CDK12: variants seen among roughly 807,000 people sequenced by gnomAD.
CDK12 encodes cyclin-dependent kinase 12.
In CDK12, 17 loss-of-function variants were observed where a neutral mutation model predicts 133.8. The observed-to-expected ratio is 0.13, with a 90% CI of 0.09 to 0.19. The LOEUF is 0.19. CDK12 is among the 10% of genes least tolerant of loss of function. The pLI is 1.00. For missense variants in CDK12, 1,508 were observed against 1,818.7 expected (o/e 0.83, Z 3.11); for synonymous variants, 694 against 683.6 (o/e 1.02, Z -0.24).
chr17:39,551,089 AT>A (rs1254702372), exon 2 of CDK12: 3 of 151,974 alleles, frequency 2.0e-5, no homozygotes, highest in African/African-American at 7.3e-5. Context: ...CTGTCCTGGT[AT>A]TGCTTTGTGT....
At chr17:39,468,485 A>T (rs986899195) in intron 1 of CDK12, among the ~76,000 whole-genome samples, 1 of 151,510 alleles carries the variant, frequency 6.6e-6, no homozygotes, top group African/African-American at 2.4e-5. Context: ...TTATTTATTT[A>T]TTTTTTTGAG....
At chr17:39,491,929 C>A (rs1364757891) in intron 3 of CDK12, among the ~76,000 whole-genome samples, 1 of 149,220 alleles carries the variant, frequency 6.7e-6, no homozygotes, top group Non-Finnish European at 1.5e-5. Context: ...GAGATCGAGA[C>A]CATCTTGACC....
chr17:39,544,747 T>C (rs958694479), upstream of CDK12, among the ~76,000 whole-genome samples: 1 of 151,256 alleles, frequency 6.6e-6, no homozygotes, highest in African/African-American at 2.4e-5. Context: ...TCTCCTGCCT[T>C]AGCCTCCTGA....
chr17:39,484,419 GCTC>G (rs1372241224), intron 2 of CDK12, among the ~76,000 whole-genome samples: 3 of 152,088 alleles, frequency 2.0e-5, no homozygotes, highest in Non-Finnish European at 4.4e-5. Context: ...TATAGTATCT[GCTC>G]CCCTATGATA....
rs750716287 is a variant in CDK12, at chr17:39,532,096, CTCTCTT to C, written c.*786_*791del. Reference sequence around the variant, plus strand: ...TTTTTTGCTGATGTGTGCTCTCTCTCTCTCTTTCTCTCTCTCTCTCTCTCTCTCTCT... The same window carrying C: ...TTTTTTGCTGATGTGTGCTCTCTCTCTCTCTCTCTCTCTCTCTCTCTCTCT... On this transcript the variant is annotated 3_prime_UTR_variant, in exon 14 of 14. Transcript: ENST00000447079. The C allele has an allele frequency of 6.0e-5, 11 of 183,958 alleles. No homozygotes were observed. Among genetic ancestry groups the C allele is most frequent in the African/African-American group, 8.6e-5 (3 of 34,778 alleles). 11.4% of individuals were successfully genotyped at this position (183,958 alleles called of 1,614,324 possible). A position where few individuals can be genotyped will look rare whatever the true frequency, so the allele number is the denominator to read the frequency against.
chr17:39,497,396 CGCTGGGCATGGT>C (rs2145986011), intron 5 of CDK12, among the ~76,000 whole-genome samples: 1 of 151,986 alleles, frequency 6.6e-6, no homozygotes, highest in East Asian at 1.9e-4. Flanking sequence ...TGCGAAAATT[CGCTGGGCATGGT>C]GCTGGGCACT....
chr17:39,486,804 C>G (rs567165440), intron 2 of CDK12, among the ~76,000 whole-genome samples: 3 of 151,846 alleles, frequency 2.0e-5, no homozygotes, highest in Non-Finnish European at 4.4e-5. Context: ...GTCAGGAGTT[C>G]GAGTCCAGCC....
chr17:39,558,111 C>T (rs562542809), intron 3 of CDK12, among the ~76,000 whole-genome samples: 1 of 152,274 alleles, frequency 6.6e-6, no homozygotes, highest in East Asian at 1.9e-4. Flanking sequence ...TGTGAGTCCC[C>T]TGAGATTAAA....
chr17:39,530,500 G>T (rs1027524120), intron 13 of CDK12, 104 bp from the exon 14 acceptor site: 4 of 1,429,514 alleles, frequency 2.8e-6, no homozygotes, highest in South Asian at 3.2e-5. Flanking sequence ...TATATATCTG[G>T]TTACTTATAT....
intron 5 of CDK12, among the ~76,000 whole-genome samples, chr17:39,495,387 T>TGG (rs1567730100): frequency 1.6e-3 from 2 of 1,274 alleles, no homozygotes; most frequent in Admixed American, 9.3e-3. Flanking sequence ...CTCATGTGTT[T>TGG]TTTTTTTTTT....
Position 39,531,105 on chromosome 17 carries a change from T to C in CDK12, c.4262T>C (p.Leu1421Pro), listed in dbSNP as rs2054815594. 4 of 1,584,556 alleles carry C rather than the reference T, an allele frequency of 2.5e-6. No homozygotes were observed. Among genetic ancestry groups the C allele is most frequent in the South Asian group, 1.2e-5 (1 of 86,124 alleles). The change falls in exon 14 of 14, where the codon CTG (leucine) becomes CCG (proline). Residue 1421 changes from leucine to proline, a missense_variant. Physicochemically the swap from Leu to Pro is moderately conservative, Grantham distance 98. Coordinates refer to ENST00000447079, the MANE Select transcript of CDK12 (RefSeq NM_016507.4). ...CACCCGGTGGTCGGGCAACCATTCC[T>C]GAAGGCTGAGGGAAGCAGCAATTCT... ...ALHPVVGQPF[L>P]KAEGSSNSVV...
At position 39,462,338 on chromosome 17, in the gene CDK12, C is replaced by T. The variant is rs147574732; in HGVS notation, c.267C>T (p.Phe89=). The change falls in exon 1 of 14, where the codon TTC becomes TTT. Residue 89 remains phenylalanine (F), a synonymous_variant. Transcript: ENST00000447079. ...ACACCTTCTCCGATGACATGGCCTTCAAACTAGACCGAAGGGAGAACGACG... is the reference window on the plus strand; with the variant it reads ...ACACCTTCTCCGATGACATGGCCTTTAAACTAGACCGAAGGGAGAACGACG... ...DSDTFSDDMA[F]KLDRRENDER... is the part of the protein sequence containing the mutation. The T allele has an allele frequency of 5.9e-5, 95 of 1,614,218 alleles. No individual in the cohort carries two copies. In the African/African-American group the frequency reaches 1.0e-3, roughly 17 times the overall value.
rs1292854247 is a variant in CDK12, at chr17:39,490,230, G to C, written c.1932-327G>C. 5.3e-5 allele frequency among the ~76,000 whole-genome samples: 8 copies of C among 151,670 alleles called. 1 individual carries two copies. Among genetic ancestry groups the C allele is most frequent in the Non-Finnish European group, 1.2e-4 (8 of 67,950 alleles). ...AAAAATACAAAAATTAGTCTGGCAT[G>C]GTGGCACACGCCTGTAATCCCAGCT... On this transcript the variant is annotated intron_variant, in intron 2 of 13. Transcript: ENST00000447079.
chr17:39,524,782 A>G lies in CDK12; in HGVS notation c.3204A>G (p.Lys1068=). 6.2e-7 allele frequency: 1 copy of G among 1,614,230 alleles called. No homozygotes were observed. The highest frequency in any genetic ancestry group is 8.5e-7 in the Non-Finnish European group (1 of 1,180,048). ...EEPPPSKTSR[K]ETTSGTSTEP... The stretch of plus-strand genomic sequence containing the variant: ...CACCTCCATCCAAAACTTCTCGAAA[A>G]GAAACTACCTCAGGGACAAGTACTG... The change falls in exon 12 of 14, where the codon AAA becomes AAG. Residue 1068 remains lysine (K), a synonymous_variant. Coordinates refer to ENST00000447079, the MANE Select transcript of CDK12 (RefSeq NM_016507.4).
rs899648950 is a variant in CDK12, at chr17:39,504,996, C to T, written c.2609+3557C>T. Reference sequence around the variant, plus strand: ...CTGTAATCCCAGCACTTTGGGAGGCCGAGGCGGACGGATCATGAGGTCAGG... The same window carrying T: ...CTGTAATCCCAGCACTTTGGGAGGCTGAGGCGGACGGATCATGAGGTCAGG... On this transcript the variant is annotated intron_variant, in intron 6 of 13. Transcript: ENST00000447079. Among the ~76,000 whole-genome samples the T allele has an allele frequency of 1.2e-3, 176 of 150,860 alleles. 1 individual carries two copies. The highest frequency in any genetic ancestry group is 1.7e-3 in the Non-Finnish European group (112 of 67,864).
chr17:39,474,781 CTTTT>C (rs893347738), intron 2 of CDK12, among the ~76,000 whole-genome samples: 9 of 94,128 alleles, frequency 9.6e-5, no homozygotes, highest in African/African-American at 1.4e-4. Flanking sequence ...ATGATGTTTC[CTTTT>C]TTTTTTTTTT....
rs780009851 is a variant in CDK12 at position 39,530,707 on chromosome 17, C to T, written c.3864C>T (p.Ser1288=). The part of the protein sequence containing the change: ...PPPLVEGDLS[S]APQELNPAVT... ...CTCTGGTTGAAGGCGATCTTTCCAG[C>T]GCCCCCCAGGAGTTGAACCCAGCCG... The change falls in exon 14 of 14, where the codon AGC becomes AGT. Residue 1288 remains serine, a synonymous_variant. Transcript: ENST00000447079. 3 of 1,613,772 alleles carry T rather than the reference C, an allele frequency of 1.9e-6. No homozygotes were observed. Among genetic ancestry groups the T allele is most frequent in the South Asian group, 1.1e-5 (1 of 91,064 alleles).
At chr17:39,464,741 T>A (rs1158155731) in intron 1 of CDK12, among the ~76,000 whole-genome samples, 2 of 151,642 alleles carry the variant, frequency 1.3e-5, no homozygotes, top group South Asian at 4.2e-4. Flanking sequence ...ACAATAAATA[T>A]TTGCTGTATC....
At chr17:39,502,099 T>C (rs2052758320) in intron 6 of CDK12, among the ~76,000 whole-genome samples, 1 of 151,882 alleles carries the variant, frequency 6.6e-6, no homozygotes, top group African/African-American at 2.4e-5. Flanking sequence ...CACCTCAGCC[T>C]CCCAAACTGC....
Sources: allele counts gnomAD v4.1 joint callset (sites outside exome capture counted in the v4.1 genomes callset), GRCh38; gene constraint gnomAD v4.1.1; transcripts MANE v1.5; gene names NCBI Gene and HGNC (gene_info 2026-07-23, HGNC 2026-07-21).